Variants in DPP6 observed in about 807,000 individuals in gnomAD.
DPP6 encodes the protein dipeptidyl peptidase like 6, also known as A-type potassium channel modulatory protein DPP6.
Under a neutral mutation model 122.6 loss-of-function variants are expected in DPP6, and 69 were observed. That is an observed-to-expected ratio of 0.56 (90% CI 0.46 to 0.69). The LOEUF (loss-of-function observed/expected upper bound fraction) is 0.69. Ranked by LOEUF, DPP6 falls within the 30% of genes least tolerant of loss-of-function variation. The pLI is 0.00. For synonymous variants in DPP6, 418 were observed against 433.1 expected (o/e 0.97, Z 0.43); for missense variants, 928 against 1,116.9 (o/e 0.83, Z 2.41).
At chr7:154,498,926 C>T (rs1034363925) in intron 3 of DPP6, among the ~76,000 whole-genome samples, 6 of 152,202 alleles carry the variant, frequency 3.9e-5, no homozygotes, top group African/African-American at 1.4e-4. Context: ...TATCCCTGCT[C>T]TGCCATCAGT....
chr7:154,512,717 A>G (rs142153806), intron 3 of DPP6, among the ~76,000 whole-genome samples: 138 of 152,306 alleles, frequency 9.1e-4, no homozygotes, highest in African/African-American at 3.2e-3. Context: ...TCATCATCTT[A>G]GGGATGGCAA....
rs1015024585 is a variant in DPP6 at position 154,841,358 on chromosome 7, C to G, written c.1667-12422C>G. 5.8e-4 allele frequency among the ~76,000 whole-genome samples: 86 copies of G among 147,858 alleles called. 1 individual carries two copies. Among genetic ancestry groups the G allele is most frequent in the Non-Finnish European group, 1.5e-4 (10 of 67,274 alleles). On this transcript the variant is annotated intron_variant, in intron 16 of 25. Coordinates refer to ENST00000377770, the MANE Select transcript of DPP6 (RefSeq NM_130797.4). ...CCCTGTAGCCTTTGCCCCCCTGTAG[C>G]CTTTGCCCCCCTGCAGGCTTGCCTC...
intron 7 of DPP6, among the ~76,000 whole-genome samples, chr7:154,686,185 C>G (rs973653214): frequency 6.6e-6 from 1 of 152,214 alleles, no homozygotes; most frequent in East Asian, 1.9e-4. Context: ...TAATTTTCCC[C>G]GGGTCACATA....
At chr7:154,333,237 T>C (rs1372676008) in intron 1 of DPP6, among the ~76,000 whole-genome samples, 1 of 151,030 alleles carries the variant, frequency 6.6e-6, no homozygotes, top group African/African-American at 2.5e-5. Flanking sequence ...TGAGGAAATA[T>C]ACATATTTCT....
At chr7:153,913,819 G>A (rs1358910086) in intron 1 of DPP6, among the ~76,000 whole-genome samples, 2 of 152,140 alleles carry the variant, frequency 1.3e-5, no homozygotes, top group South Asian at 4.1e-4. Context: ...ATCTGAGTAA[G>A]GGGGGGAAGA....
At chr7:153,961,368 C>T (rs1295753386) in intron 1 of DPP6, among the ~76,000 whole-genome samples, 2 of 151,394 alleles carry the variant, frequency 1.3e-5, no homozygotes, top group South Asian at 2.1e-4. Flanking sequence ...TTTACCAGGG[C>T]CAGTCTTCTG....
chr7:154,699,307 A>C (rs2131257276), intron 7 of DPP6, among the ~76,000 whole-genome samples: 1 of 152,348 alleles, frequency 6.6e-6, no homozygotes, highest in Non-Finnish European at 1.5e-5. Context: ...TCACCTTAGA[A>C]AGATATTGAA....
chr7:154,807,192 G>C, intron 16 of DPP6, 80 bp downstream of exon 16: 1 of 1,549,900 alleles, frequency 6.5e-7, no homozygotes, highest in South Asian at 1.2e-5. Context: ...CTTGCAGGGA[G>C]GGGGCAGCGG....
At chr7:153,752,253 C>CTTT in the DPP6 span, among the ~76,000 whole-genome samples, 350 of 138,400 alleles carry the variant, frequency 2.5e-3, no homozygotes, top group African/African-American at 9.0e-3. Flanking sequence ...ACCACAGCCT[C>CTTT]TTTTTTTTTT....
intron 2 of DPP6, 31 bp downstream of exon 2, chr7:154,446,359 G>T: frequency 3.2e-6 from 5 of 1,543,520 alleles, no homozygotes; most frequent in Non-Finnish European, 3.5e-6. Context: ...AAAGCAAGTC[G>T]CTGTCAGAGA....
intron 20 of DPP6, among the ~76,000 whole-genome samples, chr7:154,878,015 C>T (rs1338581258): frequency 2.0e-5 from 3 of 152,150 alleles, no homozygotes; most frequent in East Asian, 3.9e-4. Flanking sequence ...GGTGGGGGCA[C>T]GAGTGCTCTC....
chr7:154,309,054 G>A (rs891513454), intron 1 of DPP6, among the ~76,000 whole-genome samples: 2 of 152,178 alleles, frequency 1.3e-5, no homozygotes, highest in Admixed American at 6.5e-5. Flanking sequence ...ACATGCACTC[G>A]TTGGTCCTAG....
Position 154,018,422 on chromosome 7 carries a change from C to T in DPP6, c.51+130688C>T, listed in dbSNP as rs376617533. 1.3e-4 allele frequency among the ~76,000 whole-genome samples: 20 copies of T among 152,270 alleles called. No homozygotes were observed. The East Asian group carries it at 2.9e-3, about 22-fold the overall frequency. On this transcript the variant is annotated intron_variant, in intron 1 of 25. Coordinates refer to the DPP6 transcript ENST00000404039. The stretch of plus-strand genomic sequence containing the variant: ...TTTGCCCATTTGTTAGTATTTCATC[C>T]ACTCTGCAACTAGTCTCCCAGTCAT...
intron 1 of DPP6, among the ~76,000 whole-genome samples, chr7:154,416,485 A>T (rs1169803373): frequency 6.6e-6 from 1 of 152,210 alleles, no homozygotes; most frequent in Non-Finnish European, 1.5e-5. Flanking sequence ...CATAACTTGC[A>T]TTGCAGTACA....
At chr7:154,107,265 G>A (rs1806232413) in intron 1 of DPP6, among the ~76,000 whole-genome samples, 1 of 152,218 alleles carries the variant, frequency 6.6e-6, no homozygotes, top group Admixed American at 6.5e-5. Flanking sequence ...TAAAAAAGCA[G>A]GAGAGTCTGT....
intron 1 of DPP6, among the ~76,000 whole-genome samples, chr7:153,976,292 C>T (rs193294568): frequency 5.0e-4 from 76 of 152,288 alleles, no homozygotes; most frequent in Admixed American, 1.3e-3. Context: ...AACACTGAAA[C>T]GTCTGAGACA....
chr7:154,197,521 C>T (rs1048103860), intron 1 of DPP6, among the ~76,000 whole-genome samples: 10 of 152,122 alleles, frequency 6.6e-5, no homozygotes, highest in African/African-American at 1.9e-4. Context: ...TTCCTGATTT[C>T]GCTTTTGCAA....
the DPP6 span, among the ~76,000 whole-genome samples, chr7:153,876,557 T>C: frequency 2.6e-5 from 4 of 151,972 alleles, no homozygotes; most frequent in African/African-American, 9.7e-5. Flanking sequence ...TCTAAACAAC[T>C]CATTGGCCAA....
chr7:154,015,794 T>C (rs1283884827), intron 1 of DPP6, among the ~76,000 whole-genome samples: 1 of 151,996 alleles, frequency 6.6e-6, no homozygotes, highest in Non-Finnish European at 1.5e-5. Context: ...CTGAAGTCAC[T>C]CCCAAGAGGT....
Sources: gnomAD v4.1 joint callset for allele counts (sites outside exome capture counted in the v4.1 genomes callset) on GRCh38, gnomAD v4.1.1 for gene constraint, MANE v1.5 for transcripts, NCBI Gene and HGNC (gene_info 2026-07-23, HGNC 2026-07-21) for gene names.